Variants in WDR72 observed in about 807,000 individuals in gnomAD.
The protein encoded by WDR72 is WD repeat domain 72, also known as WD repeat-containing protein 72.
In WDR72, 120 loss-of-function variants were observed where a neutral mutation model predicts 124.2. The observed-to-expected ratio is 0.97, with a 90% CI of 0.83 to 1.12. WDR72 has a LOEUF of 1.12. Among genes scored for constraint, WDR72 ranks in the 50% most tolerant of loss-of-function variants. The pLI, the probability that WDR72 is intolerant of heterozygous loss-of-function variation, is 0.00. For synonymous variants in WDR72, 452 were observed against 441.7 expected (o/e 1.02, Z -0.29); for missense variants, 1,387 against 1,278.8 (o/e 1.08, Z -1.29).
At chr15:53,633,668 G>A (rs1259808553) in intron 14 of WDR72, among the ~76,000 whole-genome samples, 3 of 152,148 alleles carry the variant, frequency 2.0e-5, no homozygotes, top group Non-Finnish European at 4.4e-5. Context: ...TGTAGTCATT[G>A]TACTGATTTT....
At chr15:53,618,507 G>A (rs2013858245) in intron 14 of WDR72, among the ~76,000 whole-genome samples, 1 of 151,720 alleles carries the variant, frequency 6.6e-6, no homozygotes, top group African/African-American at 2.4e-5. Flanking sequence ...ATCAACTTTT[G>A]ACTTTGGTTA....
At chr15:53,546,266 G>A (rs1893452493) in intron 18 of WDR72, among the ~76,000 whole-genome samples, 2 of 152,134 alleles carry the variant, frequency 1.3e-5, no homozygotes, top group Admixed American at 6.5e-5. Flanking sequence ...AACCAACCCA[G>A]ATGTCCAACA....
intron 14 of WDR72, among the ~76,000 whole-genome samples, chr15:53,642,051 TA>T (rs1415032270): frequency 6.6e-6 from 1 of 151,956 alleles, no homozygotes; most frequent in East Asian, 1.9e-4. Context: ...GTTGCTATTT[TA>T]AAAACTCATT....
intron 18 of WDR72, among the ~76,000 whole-genome samples, chr15:53,526,452 C>T (rs1199854803): frequency 6.6e-6 from 1 of 152,040 alleles, no homozygotes; most frequent in Non-Finnish European, 1.5e-5. Context: ...AAAGCTGCTG[C>T]CTACTTTGGT....
At chr15:53,720,883 C>T (rs565926986) in intron 3 of WDR72, among the ~76,000 whole-genome samples, 9 of 152,060 alleles carry the variant, frequency 5.9e-5, no homozygotes, top group African/African-American at 2.2e-4. Context: ...AAATATTAAA[C>T]ACTGAGCCAT....
At chr15:53,653,190 G>C (rs1567007003) in intron 14 of WDR72, among the ~76,000 whole-genome samples, 1 of 152,068 alleles carries the variant, frequency 6.6e-6, no homozygotes, top group Non-Finnish European at 1.5e-5. Context: ...TCATGTTTTA[G>C]ACTTCAGTAG....
At chr15:53,660,201 T>TA (rs1262501438) in intron 14 of WDR72, among the ~76,000 whole-genome samples, 1 of 149,812 alleles carries the variant, frequency 6.7e-6, no homozygotes, top group Non-Finnish European at 1.5e-5. Flanking sequence ...TTTATTGTTT[T>TA]AAAATAAATA....
chr15:53,715,258 A>C lies in WDR72; in HGVS notation c.449T>G (p.Phe150Cys). 1 of 1,614,176 alleles carries C rather than the reference A, an allele frequency of 6.2e-7. No individual in the cohort carries two copies. Among genetic ancestry groups the C allele is most frequent in the South Asian group, 1.1e-5 (1 of 91,080 alleles). Residue 150 changes from phenylalanine to cysteine, a missense_variant, in exon 5 of 20, where the codon TTT (phenylalanine) becomes TGT (cysteine). Phe to Cys is a radical substitution (Grantham distance 205). Coordinates refer to ENST00000360509, the MANE Select transcript of WDR72 (RefSeq NM_182758.4). ...CCAGTCAGGAAACTGAGATGATCTA[A>C]AACTGTGAACAACAGCCAAAGTTTT... Reference protein sequence around the residue: ...DAKTLAVVHSFRSSQFPDWIN... With the variant: ...DAKTLAVVHSCRSSQFPDWIN...
chr15:53,732,182 G>A (rs1464658682), intron 2 of WDR72, among the ~76,000 whole-genome samples: 3 of 152,156 alleles, frequency 2.0e-5, no homozygotes, highest in Admixed American at 6.5e-5. Flanking sequence ...TAGTAGAACT[G>A]TTCAGTGATG....
intron 14 of WDR72, among the ~76,000 whole-genome samples, chr15:53,630,603 C>T (rs964047958): frequency 8.6e-5 from 13 of 151,906 alleles, no homozygotes; most frequent in African/African-American, 3.1e-4. Flanking sequence ...GAATAAAAAA[C>T]AAAACACATG....
chr15:53,548,485 A>T (rs1893586126), intron 18 of WDR72, among the ~76,000 whole-genome samples: 1 of 152,126 alleles, frequency 6.6e-6, no homozygotes, highest in Non-Finnish European at 1.5e-5. Context: ...GAGAAGAGAG[A>T]GTTAGTTGCC....
Position 53,552,191 on chromosome 15 carries a change from C to G in WDR72, c.3149-28869G>C, listed in dbSNP as rs376553564. 1.1e-4 allele frequency among the ~76,000 whole-genome samples: 16 copies of G among 151,942 alleles called. No individual in the cohort carries two copies. The East Asian group carries it at 3.1e-3, about 30-fold the overall frequency. On this transcript the variant is annotated intron_variant, in intron 18 of 19. Transcript: ENST00000360509. ...TAGTATGTATAAATACTCAAAGACA[C>G]AGAGTCAATATCAGTTAATTTCATA...
At chr15:53,657,845 T>G (rs529974402) in intron 14 of WDR72, among the ~76,000 whole-genome samples, 1 of 152,284 alleles carries the variant, frequency 6.6e-6, no homozygotes, top group South Asian at 2.1e-4. Flanking sequence ...AACGCCGACC[T>G]TGAATGAGCC....
chr15:53,623,120 T>C (rs913560084), intron 14 of WDR72, among the ~76,000 whole-genome samples: 7 of 152,316 alleles, frequency 4.6e-5, no homozygotes, highest in African/African-American at 1.4e-4. Context: ...GGTTTTGATT[T>C]CTTAATTAAC....
intron 18 of WDR72, among the ~76,000 whole-genome samples, chr15:53,555,540 C>T (rs573926117): frequency 6.6e-6 from 1 of 151,922 alleles, no homozygotes; most frequent in South Asian, 2.1e-4. Flanking sequence ...ACTTTTATCT[C>T]TCGTCCTTCA....
chr15:53,527,606 G>A (rs889517004), intron 18 of WDR72, among the ~76,000 whole-genome samples: 11 of 152,106 alleles, frequency 7.2e-5, no homozygotes, highest in East Asian at 3.9e-4. Flanking sequence ...GATCTCATTC[G>A]TCATCTGTAT....
At chr15:53,644,675 A>T (rs1206726975) in intron 14 of WDR72, among the ~76,000 whole-genome samples, 2 of 152,114 alleles carry the variant, frequency 1.3e-5, no homozygotes, top group East Asian at 3.9e-4. Context: ...AGTGCCAACC[A>T]TTCATTTTCA....
At chr15:53,760,109 G>A (rs1055986780), upstream of WDR72, among the ~76,000 whole-genome samples, 1 of 150,676 alleles carries the variant, frequency 6.6e-6, no homozygotes, top group Non-Finnish European at 1.5e-5. Flanking sequence ...CAAACAATGC[G>A]TAATAATTAC....
intron 14 of WDR72, among the ~76,000 whole-genome samples, chr15:53,631,029 C>T (rs2014406757): frequency 1.3e-5 from 2 of 152,248 alleles, no homozygotes; most frequent in Admixed American, 1.3e-4. Context: ...TACACAATAT[C>T]AATATAGAAA....
Sources: allele counts gnomAD v4.1 joint callset (sites outside exome capture counted in the v4.1 genomes callset), GRCh38; gene constraint gnomAD v4.1.1; transcripts MANE v1.5; gene names NCBI Gene and HGNC (gene_info 2026-07-23, HGNC 2026-07-21).